The following CAST variants were observed in gnomAD, a reference collection of about 807,000 sequenced individuals.
The protein encoded by CAST is calpastatin, also known as MIR583 host.
In CAST, 76 loss-of-function variants were observed where a neutral mutation model predicts 119.6. The ratio of observed to expected loss-of-function variants is 0.64; its 90% CI spans 0.53 to 0.77. The LOEUF is 0.77. CAST is among the 30% of genes least tolerant of loss of function. The pLI, the probability that CAST is intolerant of heterozygous loss-of-function variation, is 0.00. For synonymous variants in CAST, 319 were observed against 331.6 expected (o/e 0.96, Z 0.41); for missense variants, 953 against 946.5 (o/e 1.01, Z -0.09).
intron 27 of CAST, among the ~76,000 whole-genome samples, chr5:96,767,237 A>G (rs1197877578): frequency 6.6e-6 from 1 of 151,568 alleles, no homozygotes; most frequent in Non-Finnish European, 1.5e-5. Context: ...GTTTCCCCCA[A>G]GTCTACACAA....
chr5:96,200,814 G>C, the CAST span, among the ~76,000 whole-genome samples: 2 of 152,120 alleles, frequency 1.3e-5, no homozygotes, highest in African/African-American at 4.8e-5. Flanking sequence ...CATATTAAAT[G>C]CTTAGCACAG....
chr5:96,623,174 A>C (rs190070330), intron 1 of CAST, among the ~76,000 whole-genome samples: 12 of 152,138 alleles, frequency 7.9e-5, no homozygotes, highest in Admixed American at 7.9e-4. Flanking sequence ...TACCTCAATA[A>C]TTTTAATAAC....
At chr5:96,055,863 A>G in the CAST span, among the ~76,000 whole-genome samples, 1 of 152,152 alleles carries the variant, frequency 6.6e-6, no homozygotes, top group Non-Finnish European at 1.5e-5. Context: ...TGGAGATAAT[A>G]GGTGAAGCTT....
chr5:96,418,998 A>C, the CAST span, among the ~76,000 whole-genome samples: 5 of 152,118 alleles, frequency 3.3e-5, no homozygotes, highest in African/African-American at 1.2e-4. Flanking sequence ...CACAGCAAAC[A>C]CTTACTTAAC....
At chr5:96,360,396 C>G in the CAST span, among the ~76,000 whole-genome samples, 1 of 151,886 alleles carries the variant, frequency 6.6e-6, no homozygotes, top group Non-Finnish European at 1.5e-5. Flanking sequence ...GTTGTGATCC[C>G]TCAGAGAAGA....
At chr5:96,449,193 G>T in the CAST span, among the ~76,000 whole-genome samples, 1 of 152,008 alleles carries the variant, frequency 6.6e-6, no homozygotes, top group African/African-American at 2.4e-5. Flanking sequence ...AGTAACTTCT[G>T]CCCCTTCATA....
At chr5:96,548,781 A>G (rs978536002) in intron 1 of CAST, among the ~76,000 whole-genome samples, 3 of 152,248 alleles carry the variant, frequency 2.0e-5, no homozygotes, top group Non-Finnish European at 4.4e-5. Flanking sequence ...AAAAACAAAC[A>G]AACAAAAACA....
At chr5:96,205,164 T>C in the CAST span, among the ~76,000 whole-genome samples, 2 of 152,098 alleles carry the variant, frequency 1.3e-5, no homozygotes, top group African/African-American at 2.4e-5. Flanking sequence ...TTGTTAAATA[T>C]GTGGTTTGCA....
At chr5:96,695,083 C>G (rs1753122675) in intron 2 of CAST, among the ~76,000 whole-genome samples, 1 of 152,186 alleles carries the variant, frequency 6.6e-6, no homozygotes, top group Non-Finnish European at 1.5e-5. Context: ...AGATTGGAGT[C>G]TGGAGCAGAT....
chr5:95,976,704 AG>A, the CAST span, among the ~76,000 whole-genome samples: 1 of 152,124 alleles, frequency 6.6e-6, no homozygotes, highest in African/African-American at 2.4e-5. Flanking sequence ...CAGCTTTTTA[AG>A]GGAGAAGATT....
the CAST span, among the ~76,000 whole-genome samples, chr5:96,205,804 A>G: frequency 6.6e-6 from 1 of 152,058 alleles, no homozygotes; most frequent in Non-Finnish European, 1.5e-5. Flanking sequence ...TTATAGTAGA[A>G]TGATTTATAT....
chr5:96,750,497 T>A (rs770739018), intron 19 of CAST, 90 bp from the exon 20 acceptor site: 10 of 745,830 alleles, frequency 1.3e-5, no homozygotes, highest in Non-Finnish European at 2.2e-5. Flanking sequence ...CACCATATAA[T>A]GTAGCGGAGT....
At chr5:95,988,873 T>C in the CAST span, among the ~76,000 whole-genome samples, 1 of 152,234 alleles carries the variant, frequency 6.6e-6, no homozygotes, top group African/African-American at 2.4e-5. Flanking sequence ...AGCAAACAGA[T>C]GATATGACAC....
the CAST span, among the ~76,000 whole-genome samples, chr5:96,009,347 A>C: frequency 6.6e-6 from 1 of 152,178 alleles, no homozygotes; most frequent in South Asian, 2.1e-4. Flanking sequence ...TTGCTAGGTT[A>C]AATGGTAGCT....
chr5:96,384,156 A>G, the CAST span, among the ~76,000 whole-genome samples: 2 of 152,056 alleles, frequency 1.3e-5, no homozygotes, highest in Non-Finnish European at 2.9e-5. Flanking sequence ...TTTTATTAAG[A>G]AGCCACACTT....
intron 1 of CAST, among the ~76,000 whole-genome samples, chr5:96,572,403 G>A (rs1207365504): frequency 6.6e-6 from 1 of 152,160 alleles, no homozygotes; most frequent in Non-Finnish European, 1.5e-5. Context: ...GTTTCGCCAT[G>A]TTGGCCAGGC....
chr5:96,466,462 C>A, the CAST span, among the ~76,000 whole-genome samples: 2 of 152,098 alleles, frequency 1.3e-5, no homozygotes, highest in Admixed American at 6.6e-5. Context: ...AGCCACTAGT[C>A]ACCTTCTGCC....
At chr5:96,571,133 T>C (rs1257933699) in intron 1 of CAST, among the ~76,000 whole-genome samples, 1 of 152,206 alleles carries the variant, frequency 6.6e-6, no homozygotes, top group Non-Finnish European at 1.5e-5. Context: ...TCCAGACCTG[T>C]CATCTGCAAT....
chr5:96,444,330 G>A, the CAST span, among the ~76,000 whole-genome samples: 4 of 152,154 alleles, frequency 2.6e-5, no homozygotes, highest in African/African-American at 4.8e-5. Flanking sequence ...TTTAGTGTTT[G>A]AGAACTTGCT....
Sources: gnomAD v4.1 joint callset for allele counts (sites outside exome capture counted in the v4.1 genomes callset) on GRCh38, gnomAD v4.1.1 for gene constraint, MANE v1.5 for transcripts, NCBI Gene and HGNC (gene_info 2026-07-23, HGNC 2026-07-21) for gene names.